Variants in CSE1L observed in about 807,000 individuals in gnomAD.
CSE1L encodes the protein exportin-2.
Under a neutral mutation model 120.4 loss-of-function variants are expected in CSE1L, and 24 were observed. The ratio of observed to expected loss-of-function variants is 0.20; its 90% confidence interval spans 0.14 to 0.28. CSE1L has a LOEUF of 0.28. Ranked by LOEUF, CSE1L falls within the 10% of genes least tolerant of loss-of-function variation. The probability of loss-of-function intolerance (pLI) is 1.00; values close to 1 mark genes in which losing one functional copy is unlikely to be tolerated. For missense variants in CSE1L, 830 were observed against 1,145.2 expected (o/e 0.72, Z 3.97); for synonymous variants, 402 against 398.3 (o/e 1.01, Z -0.11).
rs60161542 is a variant in CSE1L at position 49,067,031 on chromosome 20, C to CAAAAAAA, written c.477-140_477-134dup. ...TGGGCGACAGAGCGAGACTCCGTCT[C>CAAAAAAA]AAAAAAAAAAAAAAAAAAAAAAAAA... On this transcript the variant is annotated intron_variant, in intron 5 of 24. Transcript: ENST00000262982. Among the ~76,000 whole-genome samples the CAAAAAAA allele has an allele frequency of 2.8e-3, 279 of 100,696 alleles. 23 individuals carry two copies. The highest frequency in any genetic ancestry group is 9.1e-3 in the African/African-American group (216 of 23,674). 66.1% of individuals were successfully genotyped at this position (100,696 alleles called of 152,430 possible).
rs774896316 is a variant in CSE1L at position 49,084,158 on chromosome 20, A to T, written c.1615A>T (p.Thr539Ser). 1.9e-6 allele frequency: 3 copies of T among 1,613,730 alleles called. No homozygotes were observed. The highest frequency in any genetic ancestry group is 2.5e-6 in the Non-Finnish European group (3 of 1,179,778). The change falls in exon 15 of 25, where the codon ACT becomes TCT. Residue 539 changes from threonine (T) to serine (S), a missense_variant. This residue lies in a region of CSE1L where 543 missense variants were observed against 640.2 expected (regional missense o/e 0.85). Transcript: ENST00000262982. ...LFTMRGPNNATLFTAAEIAPF... is the reference protein window; with the variant it reads ...LFTMRGPNNASLFTAAEIAPF... ...TACTATGCGAGGGCCTAACAATGCC[A>T]CTCTGTGAGTATTTTATTCTAAAGT...
intron 14 of CSE1L, among the ~76,000 whole-genome samples, chr20:49,082,689 T>A (rs1043794474): frequency 1.3e-5 from 2 of 151,878 alleles, no homozygotes; most frequent in Non-Finnish European, 2.9e-5. Flanking sequence ...CGGCTAATTT[T>A]TTTTGTATTT....
At chr20:49,056,419 G>A (rs1323668560) in intron 1 of CSE1L, among the ~76,000 whole-genome samples, 1 of 152,086 alleles carries the variant, frequency 6.6e-6, no homozygotes, top group South Asian at 2.1e-4. Context: ...TAGCTTTATT[G>A]AAGTACAATT....
chr20:49,074,176 A>AGT (rs71184254), intron 10 of CSE1L, among the ~76,000 whole-genome samples: 11,862 of 115,218 alleles, frequency 0.1, 677 homozygotes, highest in Middle Eastern at 0.18. Context: ...ATACAACTGC[A>AGT]GTGTGTGTGT....
rs2091892429 is a variant in CSE1L, at chr20:49,066,362, T to C, written c.331-3T>C. 1 of 1,614,176 alleles carries C rather than the reference T, an allele frequency of 6.2e-7. No homozygotes were observed. Among genetic ancestry groups the C allele is most frequent in the Non-Finnish European group, 8.5e-7 (1 of 1,180,010 alleles). On this transcript the variant is annotated splice_polypyrimidine_tract_variant and splice_region_variant and intron_variant, in intron 4 of 24. Transcript: ENST00000262982. ...TGATCTAATTAATCTTTTCCTCTCC[T>C]AGTTAAGTGATGCAATTAGCATTAT... is the stretch of plus-strand genomic sequence containing the variant.
chr20:49,064,212 A>G (rs1228352299), intron 3 of CSE1L, among the ~76,000 whole-genome samples: 1 of 152,258 alleles, frequency 6.6e-6, no homozygotes, highest in East Asian at 1.9e-4. Context: ...ATGATAGAGA[A>G]AAAGATGAGG....
chr20:49,058,154 T>C (rs1343191293), intron 1 of CSE1L, among the ~76,000 whole-genome samples: 1 of 152,204 alleles, frequency 6.6e-6, no homozygotes, highest in Non-Finnish European at 1.5e-5. Flanking sequence ...CATTAAATCA[T>C]ATAAACTTCT....
intron 14 of CSE1L, among the ~76,000 whole-genome samples, chr20:49,083,009 ATCTTTTTTTTTTTCTTTTT>A (rs1466175897): frequency 6.8e-6 from 1 of 146,162 alleles, no homozygotes; most frequent in African/African-American, 2.6e-5. Flanking sequence ...TGTCCTTAAC[ATCTTTTTTTTTTTCTTTTT>A]TCTTTTTTTT....
chr20:49,092,439 T>TA (rs1284964259), intron 22 of CSE1L, among the ~76,000 whole-genome samples: 1 of 152,024 alleles, frequency 6.6e-6, no homozygotes, highest in Non-Finnish European at 1.5e-5. Context: ...ATCATTGTTC[T>TA]AATCCTCTAG....
chr20:49,090,288 T>C (rs2092090897), intron 19 of CSE1L, among the ~76,000 whole-genome samples: 1 of 152,218 alleles, frequency 6.6e-6, no homozygotes, highest in South Asian at 2.1e-4. Context: ...TCGGGCGTGG[T>C]GGCTCACACC....
chr20:49,058,763 T>C (rs1403294959), intron 2 of CSE1L, among the ~76,000 whole-genome samples: 1 of 152,224 alleles, frequency 6.6e-6, no homozygotes, highest in Non-Finnish European at 1.5e-5. Flanking sequence ...TAAAAAGTAC[T>C]AGTTTTCGGA....
chr20:49,094,794 A>T lies in CSE1L; in HGVS notation c.2657A>T (p.Asp886Val), dbSNP rs755705248. ...TTACCCGAAGATGATACCATTCCTG[A>T]TGAGGAACATTTTATTGACATAGAA... ...FELPEDDTIP[D>V]EEHFIDIEDT... Residue 886 changes from aspartate (D) to valine (V), a missense_variant, in exon 24 of 25, where the codon GAT becomes GTT. Coordinates refer to ENST00000262982, the MANE Select transcript of CSE1L (RefSeq NM_001316.4). 5 of 1,614,012 alleles carry T rather than the reference A, an allele frequency of 3.1e-6. No homozygotes were observed. The highest frequency in any genetic ancestry group is 3.4e-6 in the Non-Finnish European group (4 of 1,179,978).
At chr20:49,085,625 G>GCAGTGGCTTGAT (rs905759001) in intron 16 of CSE1L, among the ~76,000 whole-genome samples, 5 of 122,688 alleles carry the variant, frequency 4.1e-5, no homozygotes, top group Non-Finnish European at 8.0e-5. Context: ...AGGCTGAAGT[G>GCAGTGGCTTGAT]CAGTGGCTTG....
At chr20:49,049,824 T>C (rs1176519694) in intron 1 of CSE1L, among the ~76,000 whole-genome samples, 1 of 151,936 alleles carries the variant, frequency 6.6e-6, no homozygotes, top group Non-Finnish European at 1.5e-5. Context: ...AGCTCAGGAG[T>C]TCCAGACCAG....
At chr20:49,076,867 T>C in intron 12 of CSE1L, 113 bp from the exon 13 acceptor site, 1 of 615,920 alleles carries the variant, frequency 1.6e-6, no homozygotes, top group Non-Finnish European at 2.8e-6. Context: ...AATTTGTATT[T>C]TGAAGTGTTC....
chr20:49,064,003 A>G (rs970029932), intron 3 of CSE1L, among the ~76,000 whole-genome samples: 1 of 152,222 alleles, frequency 6.6e-6, no homozygotes, highest in Non-Finnish European at 1.5e-5. Context: ...AGCTTAGGAC[A>G]GTGATTCTCA....
intron 2 of CSE1L, among the ~76,000 whole-genome samples, chr20:49,058,864 G>T (rs561406973): frequency 6.6e-6 from 1 of 152,228 alleles, no homozygotes; most frequent in Non-Finnish European, 1.5e-5. Context: ...GGATGCGGTG[G>T]CTCACACCTG....
intron 8 of CSE1L, 138 bp from the exon 9 acceptor site, chr20:49,072,147 TG>T: frequency 1.2e-6 from 1 of 817,778 alleles, no homozygotes; most frequent in Non-Finnish European, 1.9e-6. Context: ...AGATTGGTGG[TG>T]GCATAGCTGT....
At position 49,066,289 on chromosome 20, in the gene CSE1L, A is replaced by G. The variant is rs2091891680; in HGVS notation, c.326A>G (p.Lys109Arg). ...CTTAGCAGCCCAGAGCAAATTCAGA[A>G]GCAGGTAATGTCGCTCCACTTTTTA... is the stretch of plus-strand genomic sequence containing the variant. Reference protein sequence around the residue: ...LMLSSPEQIQKQLSDAISIIG... With the variant: ...LMLSSPEQIQRQLSDAISIIG... The change falls in exon 4 of 25, where the codon AAG (lysine) becomes AGG (arginine). Residue 109 changes from lysine (K) to arginine (R), a missense_variant. Lys to Arg is a conservative substitution (Grantham distance 26). Coordinates refer to ENST00000262982, the MANE Select transcript of CSE1L (RefSeq NM_001316.4). 6.2e-7 allele frequency: 1 copy of G among 1,614,198 alleles called. No homozygotes were observed. Among genetic ancestry groups the G allele is most frequent in the African/African-American group, 1.3e-5 (1 of 75,058 alleles).
Sources: gnomAD v4.1 joint callset for allele counts (sites outside exome capture counted in the v4.1 genomes callset) on GRCh38, gnomAD v4.1.1 for gene constraint, gnomAD v4.1.1 regional missense constraint, MANE v1.5 for transcripts, NCBI Gene and HGNC (gene_info 2026-07-23, HGNC 2026-07-21) for gene names.